The following ABCB10 variants were observed in gnomAD, a reference collection of about 807,000 sequenced individuals.
ABCB10 encodes the protein ATP-binding cassette sub-family B member 10, mitochondrial.
A neutral mutation model predicts 65.4 loss-of-function variants in ABCB10; 54 were observed. The ratio of observed to expected loss-of-function variants is 0.83; its 90% CI spans 0.66 to 1.04. The LOEUF (loss-of-function observed/expected upper bound fraction) is 1.04, where lower values mean the gene tolerates loss of function less well. Ranked by LOEUF, ABCB10 falls within the 50% of genes least tolerant of loss-of-function variation. The probability of loss-of-function intolerance (pLI) is 0.00; values close to 1 mark genes in which losing one functional copy is unlikely to be tolerated. For missense variants in ABCB10, 846 were observed against 976.6 expected, an observed-to-expected ratio of 0.87 and a Z score of 1.78; for synonymous variants, 418 against 406.5, an observed-to-expected ratio of 1.03 and a Z score of -0.34.
chr1:229,554,443 C>T lies in ABCB10; in HGVS notation c.517+3693G>A, dbSNP rs544350282. Reference sequence around the variant, plus strand: ...ATAAAACAGTTAGGGGTACCTGTCCCATGAACCACAGGAGGGTTCGCCATG... The same window carrying T: ...ATAAAACAGTTAGGGGTACCTGTCCTATGAACCACAGGAGGGTTCGCCATG... On this transcript the variant is annotated intron_variant, in intron 1 of 12. Transcript: ENST00000344517. Among the ~76,000 whole-genome samples the T allele has an allele frequency of 9.9e-5, 15 of 152,246 alleles. 1 individual carries two copies. The highest frequency in any genetic ancestry group is 9.8e-4 in the Admixed American group (15 of 15,288).
At chr1:229,538,173 C>T (rs1487282454) in intron 6 of ABCB10, among the ~76,000 whole-genome samples, 1 of 152,158 alleles carries the variant, frequency 6.6e-6, no homozygotes, top group East Asian at 1.9e-4. Flanking sequence ...CTGTGTTTTC[C>T]AACCCATTCT....
chr1:229,527,698 G>A (rs777057891), intron 8 of ABCB10, among the ~76,000 whole-genome samples: 2 of 152,154 alleles, frequency 1.3e-5, no homozygotes, highest in East Asian at 1.9e-4. Context: ...TTGCTGGCAC[G>A]AATACTGGCA....
chr1:229,542,214 C>A (rs767468939), intron 4 of ABCB10, 23 bp downstream of exon 4: 17 of 1,611,448 alleles, frequency 1.1e-5, no homozygotes, highest in Non-Finnish European at 1.4e-5. Flanking sequence ...CTGGAAACCA[C>A]GCGGACAGGA....
intron 1 of ABCB10, among the ~76,000 whole-genome samples, chr1:229,554,085 G>T (rs1663185669): frequency 6.6e-6 from 1 of 152,232 alleles, no homozygotes; most frequent in Non-Finnish European, 1.5e-5. Flanking sequence ...GCGGAGAAAG[G>T]TAACTTTGGT....
At chr1:229,531,324 A>G (rs1166472004) in intron 7 of ABCB10, among the ~76,000 whole-genome samples, 1 of 152,190 alleles carries the variant, frequency 6.6e-6, no homozygotes, top group African/African-American at 2.4e-5. Flanking sequence ...GCTGGGACAC[A>G]GCCCTGGGCC....
chr1:229,553,833 G>C (rs755723260), intron 1 of ABCB10, among the ~76,000 whole-genome samples: 4 of 151,866 alleles, frequency 2.6e-5, no homozygotes, highest in Non-Finnish European at 4.4e-5. Flanking sequence ...CCATCTCTCT[G>C]TGCCCAGTTT....
chr1:229,550,848 A>T (rs1558129230), intron 1 of ABCB10, among the ~76,000 whole-genome samples: 1 of 151,888 alleles, frequency 6.6e-6, no homozygotes, highest in Non-Finnish European at 1.5e-5. Flanking sequence ...TGGATGACAG[A>T]GCAAGACTCT....
chr1:229,524,568 C>G (rs1662388574), intron 10 of ABCB10, among the ~76,000 whole-genome samples: 1 of 152,032 alleles, frequency 6.6e-6, no homozygotes, highest in South Asian at 2.1e-4. Context: ...TGGTTCATTT[C>G]TGCACTTTAA....
chr1:229,521,597 G>C lies in ABCB10; in HGVS notation c.1945C>G (p.Leu649Val). The change falls in exon 11 of 13, where the codon CTA becomes GTA. Residue 649 changes from leucine to valine, a missense_variant. Around this residue, in one of 2 missense-constraint regions of ABCB10, gnomAD observed 632 missense variants for 803.2 expected, o/e 0.79. Coordinates refer to ENST00000344517, the MANE Select transcript of ABCB10 (RefSeq NM_012089.3). ...CCAAGTCGCTTCAGGCTTACCTTTAGCAGAGCACGGGCAATCGCAATCCGC... is the reference window on the plus strand; with the variant it reads ...CCAAGTCGCTTCAGGCTTACCTTTACCAGAGCACGGGCAATCGCAATCCGC... Reference protein sequence around the residue: ...KQRIAIARALLKNPKILLLDE... With the variant: ...KQRIAIARALVKNPKILLLDE... 1 of 1,608,030 alleles carries C rather than the reference G, an allele frequency of 6.2e-7. No homozygotes were observed. Among genetic ancestry groups the C allele is most frequent in the Non-Finnish European group, 8.5e-7 (1 of 1,176,672 alleles).
chr1:229,557,987 C>T (rs1216796241), intron 1 of ABCB10, 149 bp downstream of exon 1: 1 of 855,008 alleles, frequency 1.2e-6, no homozygotes, highest in Non-Finnish European at 1.5e-6. Context: ...GGTGAGCGAT[C>T]CCCTCCCTCC....
At chr1:229,557,415 G>A (rs1229981199) in intron 1 of ABCB10, among the ~76,000 whole-genome samples, 2 of 152,192 alleles carry the variant, frequency 1.3e-5, no homozygotes, top group Non-Finnish European at 2.9e-5. Context: ...GATGTTTATA[G>A]AAGGAGTGAA....
At chr1:229,526,870 T>A (rs1277661316) in intron 9 of ABCB10, among the ~76,000 whole-genome samples, 1 of 152,236 alleles carries the variant, frequency 6.6e-6, no homozygotes, top group East Asian at 1.9e-4. Flanking sequence ...AAACTCATTA[T>A]GCAGAATAGT....
chr1:229,539,114 T>C (rs1358568967), intron 6 of ABCB10, among the ~76,000 whole-genome samples: 1 of 152,200 alleles, frequency 6.6e-6, no homozygotes, highest in Non-Finnish European at 1.5e-5. Flanking sequence ...TGGGTTTCTG[T>C]GTCCACACTT....
rs1292641390 is a variant in ABCB10 at position 229,525,806 on chromosome 1, C to T, written c.1906+130G>A. The T allele has an allele frequency of 6.3e-5, 73 of 1,161,814 alleles. No homozygotes were observed. In the Middle Eastern group the frequency reaches 1.5e-3, roughly 23 times the overall value. 72.0% of individuals were successfully genotyped at this position (1,161,814 alleles called of 1,614,324 possible). A position where few individuals can be genotyped will look rare whatever the true frequency, so the allele number is the denominator to read the frequency against. Reference sequence around the variant, plus strand: ...GAGATTGCGCCACTGCCACTGCACTCCAGCCTGGGTGACAGAGCAAGACTC... The same window carrying T: ...GAGATTGCGCCACTGCCACTGCACTTCAGCCTGGGTGACAGAGCAAGACTC... On this transcript the variant is annotated intron_variant, in intron 10 of 12. Coordinates refer to ENST00000344517, the MANE Select transcript of ABCB10 (RefSeq NM_012089.3).
chr1:229,536,189 G>C (rs1292499351), intron 6 of ABCB10, among the ~76,000 whole-genome samples: 3 of 151,930 alleles, frequency 2.0e-5, no homozygotes, highest in African/African-American at 7.3e-5. Context: ...AAGGGAGTGA[G>C]GGAAAAAAGA....
At chr1:229,534,238 T>A (rs1662651855) in intron 6 of ABCB10, among the ~76,000 whole-genome samples, 1 of 152,122 alleles carries the variant, frequency 6.6e-6, no homozygotes, top group Admixed American at 6.5e-5. Flanking sequence ...CATGCATCTA[T>A]CAGAATGGCT....
chr1:229,538,147 T>C (rs571669634), intron 6 of ABCB10, among the ~76,000 whole-genome samples: 15 of 152,288 alleles, frequency 9.8e-5, no homozygotes, highest in Middle Eastern at 6.8e-3. Context: ...TAACTGACTA[T>C]AGCAATGGAT....
intron 1 of ABCB10, among the ~76,000 whole-genome samples, chr1:229,556,225 A>G: frequency 6.6e-6 from 1 of 152,180 alleles, no homozygotes; most frequent in East Asian, 1.9e-4. Context: ...ATACAAAATT[A>G]GCCGGGTATG....
chr1:229,529,530 C>T (rs553024895), intron 8 of ABCB10, among the ~76,000 whole-genome samples: 6 of 149,536 alleles, frequency 4.0e-5, no homozygotes, highest in Non-Finnish European at 8.9e-5. Context: ...ATTAGCTGGG[C>T]GTGGTGGCAG....
Sources: allele counts gnomAD v4.1 joint callset (sites outside exome capture counted in the v4.1 genomes callset), GRCh38; gene constraint gnomAD v4.1.1; regional missense constraint gnomAD v4.1.1; transcripts MANE v1.5; gene names NCBI Gene and HGNC (gene_info 2026-07-23, HGNC 2026-07-21).